The following UBN1 variants were observed in gnomAD, a reference collection of about 807,000 sequenced individuals.
UBN1 encodes ubinuclein-1.
A neutral mutation model predicts 108.5 loss-of-function variants in UBN1; 17 were observed. The ratio of observed to expected loss-of-function variants is 0.16; its 90% CI spans 0.11 to 0.24. The LOEUF (loss-of-function observed/expected upper bound fraction) is 0.24. Ranked by LOEUF, UBN1 falls within the 10% of genes least tolerant of loss-of-function variation. The pLI, the probability that UBN1 is intolerant of heterozygous loss-of-function variation, is 1.00. For synonymous variants in UBN1, 726 were observed against 564.2 expected (o/e 1.29, Z -4.07); for missense variants, 1,595 against 1,394.4 (o/e 1.14, Z -2.29).
chr16:4,867,109 G>C (rs2087371999), intron 7 of UBN1, among the ~76,000 whole-genome samples: 1 of 152,240 alleles, frequency 6.6e-6, no homozygotes, highest in Admixed American at 6.5e-5. Context: ...AATGCCATGT[G>C]AAGGAGTTTG....
In UBN1 at chr16:4,861,070, C is replaced by T. The variant is rs761631030; in HGVS notation, c.1078C>T (p.Pro360Ser). The T allele has an allele frequency of 1.2e-6, 2 of 1,613,794 alleles. No individual in the cohort carries two copies. The highest frequency in any genetic ancestry group is 2.2e-5 in the East Asian group (1 of 44,888). The change falls in exon 7 of 18, where the codon CCC (proline) becomes TCC (serine). Residue 360 changes from proline (P) to serine (S), a missense_variant. By Grantham distance (74) the Pro-to-Ser change is moderately conservative. Coordinates refer to ENST00000262376, the MANE Select transcript of UBN1 (RefSeq NM_001079514.3). ...PSSLPEGLPA[P>S]LEKRVKELAQ... The stretch of plus-strand genomic sequence containing the variant: ...TTCTCTCCCCGAAGGCCTGCCAGCA[C>T]CCCTGGAGAAGCGCGTTAAGGAGCT...
chr16:4,852,546 AGT>A (rs2086607880), intron 1 of UBN1: 2 of 157,492 alleles, frequency 1.3e-5, no homozygotes, highest in African/African-American at 2.4e-5. Context: ...AGAAAAAATA[AGT>A]GTTAGACAAA....
intron 12 of UBN1, among the ~76,000 whole-genome samples, chr16:4,871,839 G>A (rs964670620): frequency 6.6e-6 from 1 of 152,058 alleles, no homozygotes; most frequent in African/African-American, 2.4e-5. Flanking sequence ...GCCCACCTTG[G>A]CCTCCCTAAG....
chr16:4,854,783 T>C (rs184821863), intron 2 of UBN1, among the ~76,000 whole-genome samples: 540 of 151,832 alleles, frequency 3.6e-3, no homozygotes, highest in Non-Finnish European at 5.4e-3. Flanking sequence ...CATGCAGTGG[T>C]GCAATCTTGG....
In UBN1 at chr16:4,847,506, G is replaced by A. The variant is rs2086251352; in HGVS notation, c.-744G>A. ...GGCTCCTTCCCCCTCCCTTCGGCTC[G>A]TGACAACGAAGCGCCCGCGGTCTGA... On this transcript the variant is annotated 5_prime_UTR_variant, in exon 1 of 18. It adds an upstream start codon to the 5' untranslated region. Transcript: ENST00000262376. 5.6e-6 allele frequency: 3 copies of A among 536,134 alleles called. No individual in the cohort carries two copies. Among genetic ancestry groups the A allele is most frequent in the South Asian group, 5.0e-5 (2 of 39,894 alleles). 33.2% of individuals were successfully genotyped at this position (536,134 alleles called of 1,614,324 possible).
At position 4,860,792 on chromosome 16, in the gene UBN1, AGCC is replaced by A; in HGVS notation, c.801_803del (p.Lys267_Pro268delinsAsn). ...CAGAAAAAAAGGGAGGAGGAGCATAAGCCTGTTGCGGTCCCATCAGCGGAAGCT... is the reference window on the plus strand; with the variant it reads ...CAGAAAAAAAGGGAGGAGGAGCATAATGTTGCGGTCCCATCAGCGGAAGCT... On this transcript the variant is annotated inframe_deletion, in exon 7 of 18. Coordinates refer to ENST00000262376, the MANE Select transcript of UBN1 (RefSeq NM_001079514.3). 6.2e-7 allele frequency: 1 copy of A among 1,614,280 alleles called. No homozygotes were observed. Among genetic ancestry groups the A allele is most frequent in the African/African-American group, 1.3e-5 (1 of 75,066 alleles).
At position 4,866,927 on chromosome 16, in the gene UBN1, A is replaced by G. The variant is rs74003523; in HGVS notation, c.1111-1906A>G. ...TAAGCTTTGTGATGTGTGGACGGCCAGATAGCCGGACTTAAGGGGTTAAAG... is the reference window on the plus strand; with the variant it reads ...TAAGCTTTGTGATGTGTGGACGGCCGGATAGCCGGACTTAAGGGGTTAAAG... On this transcript the variant is annotated intron_variant, in intron 7 of 17. Transcript: ENST00000262376. Among the ~76,000 whole-genome samples, 1,424 of 152,354 alleles carry G rather than the reference A, an allele frequency of 9.3e-3. 34 individuals are homozygous for G. Among genetic ancestry groups the G allele is most frequent in the African/African-American group, 0.033 (1,353 of 41,574 alleles).
chr16:4,858,507 G>A (rs997329272), intron 3 of UBN1, 61 bp from the exon 4 acceptor site: 2 of 1,486,908 alleles, frequency 1.3e-6, no homozygotes, highest in African/African-American at 2.8e-5. Context: ...GAAGTTCAAG[G>A]CCACAGTTAA....
Position 4,864,075 on chromosome 16 carries a change from C to CTTT in UBN1, c.1110+2994_1110+2996dup, listed in dbSNP as rs796516323. Among the ~76,000 whole-genome samples, 340 of 86,404 alleles carry CTTT rather than the reference C, an allele frequency of 3.9e-3. 6 individuals are homozygous for CTTT. Among genetic ancestry groups the CTTT allele is most frequent in the African/African-American group, 6.4e-3 (127 of 19,834 alleles). 56.7% of individuals were successfully genotyped at this position (86,404 alleles called of 152,430 possible). A position where few individuals can be genotyped will look rare whatever the true frequency, so the allele number is the denominator to read the frequency against. On this transcript the variant is annotated intron_variant, in intron 7 of 17. Transcript: ENST00000262376. ...GATCCTGGTTTGTTGTTGTTGTTGC[C>CTTT]TTTTTTTTTTTTTTTTTTTTTTTGA...
At chr16:4,849,191 A>G (rs1486393630) in intron 1 of UBN1, among the ~76,000 whole-genome samples, 1 of 152,230 alleles carries the variant, frequency 6.6e-6, no homozygotes, top group Non-Finnish European at 1.5e-5. Flanking sequence ...AACATGGTAC[A>G]TTTCTACCAC....
chr16:4,870,054 G>C (rs2087544884), intron 8 of UBN1, among the ~76,000 whole-genome samples, 158 bp from the exon 9 acceptor site: 1 of 152,200 alleles, frequency 6.6e-6, no homozygotes, highest in South Asian at 2.1e-4. Context: ...GTTGATTGCT[G>C]AGGATGTGTT....
intron 15 of UBN1, 51 bp downstream of exon 15, chr16:4,875,485 G>A (rs761150305): frequency 1.3e-4 from 200 of 1,552,796 alleles, no homozygotes; most frequent in Admixed American, 3.4e-4. Flanking sequence ...GGGGCCTTGG[G>A]GATGAGGTTG....
chr16:4,875,486 G>A (rs780482117), intron 15 of UBN1, 52 bp downstream of exon 15: 1 of 1,552,852 alleles, frequency 6.4e-7, no homozygotes, highest in South Asian at 1.2e-5. Flanking sequence ...GGGCCTTGGG[G>A]ATGAGGTTGC....
chr16:4,876,758 T>C, intron 15 of UBN1, 113 bp from the exon 16 acceptor site: 1 of 1,481,642 alleles, frequency 6.7e-7, no homozygotes, highest in Admixed American at 2.4e-5. Context: ...GACATGGATG[T>C]GTATGTCCTC....
intron 7 of UBN1, among the ~76,000 whole-genome samples, chr16:4,866,228 C>T (rs1270483351): frequency 6.6e-6 from 1 of 152,162 alleles, no homozygotes; most frequent in African/African-American, 2.4e-5. Context: ...AAGAAATTGG[C>T]ACATGGCTGG....
Position 4,860,754 on chromosome 16 carries a change from A to T in UBN1, c.762A>T (p.Lys254Asn), listed in dbSNP as rs1333706104. Residue 254 changes from lysine to asparagine, a missense_variant, in exon 7 of 18, where the codon AAA (lysine) becomes AAT (asparagine). Physicochemically the swap from Lys to Asn is moderately conservative, Grantham distance 94. Coordinates refer to ENST00000262376, the MANE Select transcript of UBN1 (RefSeq NM_001079514.3). ...SVKEMLKKFQ[K>N]EKEAQKKREE... ...AAGAGATGCTAAAGAAATTTCAGAAAGAGAAAGAGGCTCAGAAAAAAAGGG... is the reference window on the plus strand; with the variant it reads ...AAGAGATGCTAAAGAAATTTCAGAATGAGAAAGAGGCTCAGAAAAAAAGGG... The T allele has an allele frequency of 6.2e-7, 1 of 1,614,178 alleles. No individual in the cohort carries two copies. The highest frequency in any genetic ancestry group is 8.5e-7 in the Non-Finnish European group (1 of 1,180,060).
rs1189820803 is a variant in UBN1 at position 4,871,204 on chromosome 16, G to C, written c.1609G>C (p.Glu537Gln). The C allele has an allele frequency of 6.2e-7, 1 of 1,614,246 alleles. No homozygotes were observed. Among genetic ancestry groups the C allele is most frequent in the Admixed American group, 1.7e-5 (1 of 60,030 alleles). ...VKIKLESQDL[E>Q]RNNKAQAWED... ...GATCAAACTGGAGAGCCAGGACCTG[G>C]AGAGGAACAACAAAGCCCAGGCTTG... The change falls in exon 12 of 18, where the codon GAG (glutamate) becomes CAG (glutamine). Residue 537 changes from glutamate (E) to glutamine (Q), a missense_variant. Physicochemically the swap from Glu to Gln is conservative, Grantham distance 29. Transcript: ENST00000262376.
At chr16:4,852,794 C>T (rs1288900308) in intron 1 of UBN1, 85 bp from the exon 2 acceptor site, 1 of 1,307,428 alleles carries the variant, frequency 7.6e-7, no homozygotes, top group Non-Finnish European at 1.0e-6. Context: ...CAATGAAATT[C>T]TCTTAAACTT....
Position 4,864,799 on chromosome 16 carries a change from A to G in UBN1, c.1110+3697A>G, listed in dbSNP as rs182693734. On this transcript the variant is annotated intron_variant, in intron 7 of 17. Transcript: ENST00000262376. ...TGTCACCCATTCTGCTCTGCCCTCT[A>G]TAGAATTAGAACCCCTCATCACAAG... 4.7e-3 allele frequency among the ~76,000 whole-genome samples: 712 copies of G among 152,274 alleles called. 14 individuals carry two copies. Among genetic ancestry groups the G allele is most frequent in the Non-Finnish European group, 2.9e-3 (199 of 68,020 alleles).
Sources: gnomAD v4.1 joint callset for allele counts (sites outside exome capture counted in the v4.1 genomes callset) on GRCh38, gnomAD v4.1.1 for gene constraint, MANE v1.5 for transcripts, NCBI Gene and HGNC (gene_info 2026-07-23, HGNC 2026-07-21) for gene names.